TMCO1: variants seen among roughly 807,000 people sequenced by gnomAD.
TMCO1 encodes the protein calcium load-activated calcium channel.
In TMCO1, 29 loss-of-function variants were observed where a neutral mutation model predicts 29.3. That is an observed-to-expected ratio of 0.99 (90% CI 0.74 to 1.35). TMCO1 has a LOEUF of 1.35. TMCO1 is among the 40% of genes most tolerant of loss of function. The probability of loss-of-function intolerance (pLI) is 0.00; values close to 1 mark genes in which losing one functional copy is unlikely to be tolerated. For missense variants in TMCO1, 173 were observed against 225.5 expected (o/e 0.77, Z 1.49); for synonymous variants, 80 against 77.1 (o/e 1.04, Z -0.20).
intron 5 of TMCO1, among the ~76,000 whole-genome samples, chr1:165,743,623 T>C (rs1259636508): frequency 6.6e-6 from 1 of 152,152 alleles, no homozygotes. Context: ...TATTAATATT[T>C]ACTGTATTAG....
downstream of TMCO1, chr1:165,725,020 C>CTATATA (rs1360168310): frequency 2.5e-5 from 3 of 117,904 alleles, no homozygotes; most frequent in African/African-American, 8.2e-5. Flanking sequence ...CTCTCTCTCT[C>CTATATA]TCTCTATATA....
chr1:165,767,863 G>A (rs561154227), intron 2 of TMCO1, among the ~76,000 whole-genome samples: 2 of 152,148 alleles, frequency 1.3e-5, no homozygotes, highest in South Asian at 2.1e-4. Context: ...CTGTAGGGAC[G>A]AGGTCTCCCT....
chr1:165,747,053 G>C (rs1401619012), intron 5 of TMCO1, among the ~76,000 whole-genome samples: 1 of 152,044 alleles, frequency 6.6e-6, no homozygotes, highest in Non-Finnish European at 1.5e-5. Context: ...TTGAGGTCAG[G>C]AGCTCAAGAC....
At chr1:165,730,139 GT>G (rs1651083888) in intron 6 of TMCO1, among the ~76,000 whole-genome samples, 2 of 135,236 alleles carry the variant, frequency 1.5e-5, no homozygotes, top group Non-Finnish European at 3.1e-5. Flanking sequence ...GGCTAACACG[GT>G]GAAACCCCGT....
chr1:165,725,354 C>T (rs1367440011), downstream of TMCO1: 3 of 453,842 alleles, frequency 6.6e-6, no homozygotes, highest in African/African-American at 2.0e-5. Flanking sequence ...AATGACTTAC[C>T]TGGGAAGAGA....
intron 6 of TMCO1, among the ~76,000 whole-genome samples, chr1:165,734,102 G>C (rs1004014362): frequency 1.3e-5 from 2 of 152,092 alleles, no homozygotes; most frequent in African/African-American, 4.8e-5. Flanking sequence ...CCAATTAATC[G>C]CAATATCTCA....
At chr1:165,759,703 T>C (rs1652329521) in intron 2 of TMCO1, 119 bp from the exon 3 acceptor site, 2 of 800,516 alleles carry the variant, frequency 2.5e-6, no homozygotes, top group Non-Finnish European at 4.2e-6. Context: ...ACTGACTGAT[T>C]ATGGTCATGA....
rs935394629 is a variant in TMCO1, at chr1:165,735,481, A to G, written c.469-7360T>C. On this transcript the variant is annotated intron_variant, in intron 6 of 6. Coordinates refer to ENST00000367881, the MANE Select transcript of TMCO1 (RefSeq NM_019026.6). ...ACAAAAAAGGAGCCTCAAATTTTGC[A>G]TATAAACTCTGCCCCCAAATCTCTG... Among the ~76,000 whole-genome samples, 8 of 151,368 alleles carry G rather than the reference A, an allele frequency of 5.3e-5. 1 individual carries two copies. The South Asian group carries it at 1.7e-3, about 32-fold the overall frequency.
In TMCO1 at chr1:165,768,769, G is replaced by A. The variant is rs1652680699; in HGVS notation, c.-18C>T. 1 of 1,613,966 alleles carries A rather than the reference G, an allele frequency of 6.2e-7. No homozygotes were observed. Among genetic ancestry groups the A allele is most frequent in the Admixed American group, 1.7e-5 (1 of 59,988 alleles). The stretch of plus-strand genomic sequence containing the variant: ...GTGCTCATCTCGCACCTTCGTCTCT[G>A]CACTCTCACCCGCCAGGGGGAAAGC... On this transcript the variant is annotated 5_prime_UTR_variant, in exon 1 of 7. Transcript: ENST00000367881.
intron 6 of TMCO1, among the ~76,000 whole-genome samples, chr1:165,733,549 T>A (rs1208027933): frequency 1.3e-5 from 2 of 151,686 alleles, no homozygotes; most frequent in Non-Finnish European, 2.9e-5. Context: ...TTGTAGGAGA[T>A]CGTGCAGCTG....
intron 5 of TMCO1, among the ~76,000 whole-genome samples, chr1:165,747,402 T>C (rs1317954145): frequency 1.3e-5 from 2 of 151,452 alleles, no homozygotes; most frequent in African/African-American, 4.9e-5. Context: ...TTGGCAGAAA[T>C]ACCATGTTTC....
At chr1:165,748,038 A>G (rs1459983035) in intron 5 of TMCO1, among the ~76,000 whole-genome samples, 1 of 152,054 alleles carries the variant, frequency 6.6e-6, no homozygotes, top group Non-Finnish European at 1.5e-5. Context: ...GAGTCCCTGT[A>G]ATCTCAGCTA....
At position 165,759,545 on chromosome 1, in the gene TMCO1, C is replaced by A; in HGVS notation, c.188G>T (p.Arg63Leu). The change falls in exon 3 of 7, where the codon CGA becomes CTA. Residue 63 changes from arginine (R) to leucine (L), a missense_variant. Arg to Leu is a moderately radical substitution (Grantham distance 102). Transcript: ENST00000367881. ...CTTACCTATTTTCTTTTTCTGTTGT[C>A]GACCAGCTGACTCTGTTATTGTTTC... The part of the protein sequence containing the change: ...KKETITESAG[R>L]QQKKKIERQE... 6.2e-7 allele frequency: 1 copy of A among 1,612,464 alleles called. No individual in the cohort carries two copies. Among genetic ancestry groups the A allele is most frequent in the Non-Finnish European group, 8.5e-7 (1 of 1,179,224 alleles).
intron 1 of TMCO1, 112 bp downstream of exon 1, chr1:165,768,570 G>A: frequency 1.3e-6 from 2 of 1,585,718 alleles, no homozygotes; most frequent in Non-Finnish European, 1.7e-6. Context: ...AAGTGGAGTA[G>A]ATGAGCCTCT....
chr1:165,733,103 C>T (rs74121432), intron 6 of TMCO1, among the ~76,000 whole-genome samples: 2,021 of 152,250 alleles, frequency 0.013, 53 homozygotes, highest in African/African-American at 0.047. Flanking sequence ...AGGTGGACAT[C>T]ATTATCCTTG....
At chr1:165,752,251 C>CTTTTTTTTTTTT (rs1558038157) in intron 4 of TMCO1, 82 bp from the exon 5 acceptor site, 2 of 608,126 alleles carry the variant, frequency 3.3e-6, no homozygotes, top group Non-Finnish European at 2.7e-6. Flanking sequence ...GGTTTCATGT[C>CTTTTTTTTTTTT]ATTTTTTTTT....
chr1:165,727,898 G>T lies in TMCO1; in HGVS notation c.*125C>A. 1 of 697,372 alleles carries T rather than the reference G, an allele frequency of 1.4e-6. No individual in the cohort carries two copies. The highest frequency in any genetic ancestry group is 2.1e-5 in the Admixed American group (1 of 46,548). 43.2% of individuals were successfully genotyped at this position (697,372 alleles called of 1,614,324 possible). On this transcript the variant is annotated 3_prime_UTR_variant, in exon 7 of 7. Coordinates refer to ENST00000367881, the MANE Select transcript of TMCO1 (RefSeq NM_019026.6). ...ACTCTAATCATACCCAAAAGGCTTA[G>T]AAATAATTCAAAACTAGAAAGAGGC...
chr1:165,731,271 A>G (rs1403165565), intron 6 of TMCO1, among the ~76,000 whole-genome samples: 1 of 152,250 alleles, frequency 6.6e-6, no homozygotes, highest in Non-Finnish European at 1.5e-5. Context: ...AGCAGTAAAA[A>G]GACCAAATGA....
intron 6 of TMCO1, among the ~76,000 whole-genome samples, chr1:165,734,527 G>A (rs1012286078): frequency 2.6e-5 from 4 of 150,966 alleles, no homozygotes; most frequent in African/African-American, 7.3e-5. Context: ...TTTTTGAGAC[G>A]GAGTCTTACT....
Sources: gnomAD v4.1 joint callset for allele counts (sites outside exome capture counted in the v4.1 genomes callset) on GRCh38, gnomAD v4.1.1 for gene constraint, MANE v1.5 for transcripts, NCBI Gene and HGNC (gene_info 2026-07-23, HGNC 2026-07-21) for gene names.